PLPP4: variants seen among roughly 807,000 people sequenced by gnomAD.
The protein encoded by PLPP4 is diacylglycerol pyrophosphate like 2.
PLPP4 carries 20 observed loss-of-function variants against 32.2 expected under a neutral mutation model. That is an observed-to-expected ratio of 0.62 (90% CI 0.44 to 0.90). The LOEUF (loss-of-function observed/expected upper bound fraction) is 0.90. PLPP4 is among the 40% of genes least tolerant of loss of function. The pLI is 0.00. For synonymous variants in PLPP4, 127 were observed against 133.0 expected, an observed-to-expected ratio of 0.95 and a Z score of 0.31; for missense variants, 257 against 353.1, an observed-to-expected ratio of 0.73 and a Z score of 2.18.
chr10:120,565,637 T>C (rs1436341287), intron 5 of PLPP4, among the ~76,000 whole-genome samples: 1 of 152,186 alleles, frequency 6.6e-6, no homozygotes, highest in South Asian at 2.1e-4. Flanking sequence ...ATTAATACTG[T>C]GTCTAGGTGT....
At chr10:120,509,154 C>T (rs1845624070) in intron 2 of PLPP4, among the ~76,000 whole-genome samples, 1 of 152,256 alleles carries the variant, frequency 6.6e-6, no homozygotes, top group South Asian at 2.1e-4. Flanking sequence ...AGACCTTTGG[C>T]ACTTCACTTA....
chr10:120,473,250 G>A (rs1422623479), intron 1 of PLPP4, among the ~76,000 whole-genome samples: 1 of 151,604 alleles, frequency 6.6e-6, no homozygotes, highest in Non-Finnish European at 1.5e-5. Flanking sequence ...TTACTTTTGG[G>A]TCATTTTAGT....
chr10:120,525,115 A>G (rs1255882616), intron 5 of PLPP4, among the ~76,000 whole-genome samples: 1 of 152,194 alleles, frequency 6.6e-6, no homozygotes, highest in Non-Finnish European at 1.5e-5. Context: ...GAACACAGAG[A>G]TGCCTGTTCA....
chr10:120,581,161 T>A (rs1849492366), intron 6 of PLPP4: 1 of 985,330 alleles, frequency 1.0e-6, no homozygotes, highest in Non-Finnish European at 1.2e-6. Context: ...AGCCCTGGTG[T>A]TTCCCCGTGA....
chr10:120,542,733 G>A lies in PLPP4; in HGVS notation c.445+21638G>A, dbSNP rs138666557. Among the ~76,000 whole-genome samples, 28 of 152,280 alleles carry A rather than the reference G, an allele frequency of 1.8e-4. No individual in the cohort carries two copies. The East Asian group carries it at 4.2e-3, about 23-fold the overall frequency. On this transcript the variant is annotated intron_variant, in intron 5 of 6. Coordinates refer to ENST00000398250, the MANE Select transcript of PLPP4 (RefSeq NM_001030059.3). ...CGCAGGCGCTGCTGAGTAATTACGTGGTAAAAGCTTTTTCATGCAGTAACA... is the reference window on the plus strand; with the variant it reads ...CGCAGGCGCTGCTGAGTAATTACGTAGTAAAAGCTTTTTCATGCAGTAACA...
intron 2 of PLPP4, among the ~76,000 whole-genome samples, chr10:120,508,281 A>G (rs1423668457): frequency 6.6e-6 from 1 of 152,134 alleles, no homozygotes; most frequent in East Asian, 1.9e-4. Flanking sequence ...TTTATCTGTG[A>G]TGGGATGTAA....
intron 1 of PLPP4, among the ~76,000 whole-genome samples, chr10:120,486,299 G>T (rs532600861): frequency 6.6e-6 from 1 of 151,106 alleles, no homozygotes; most frequent in South Asian, 2.1e-4. Flanking sequence ...TCCTTTGAAA[G>T]ATCTGCTTTT....
chr10:120,518,330 A>G (rs1341280932), intron 3 of PLPP4, among the ~76,000 whole-genome samples: 1 of 152,164 alleles, frequency 6.6e-6, no homozygotes, highest in African/African-American at 2.4e-5. Context: ...GATTTGTTTG[A>G]TAACAAATGG....
At chr10:120,501,030 A>G (rs1056774680) in intron 1 of PLPP4, among the ~76,000 whole-genome samples, 1 of 152,168 alleles carries the variant, frequency 6.6e-6, no homozygotes, top group African/African-American at 2.4e-5. Context: ...TGTTATAAGA[A>G]AAATAATAGC....
chr10:120,508,914 G>A (rs747284872), intron 2 of PLPP4, among the ~76,000 whole-genome samples: 5 of 152,160 alleles, frequency 3.3e-5, no homozygotes, highest in Admixed American at 2.0e-4. Flanking sequence ...TGAAATACTA[G>A]TCAACAACCA....
At chr10:120,474,986 A>G (rs1405207733) in intron 1 of PLPP4, among the ~76,000 whole-genome samples, 5 of 152,316 alleles carry the variant, frequency 3.3e-5, no homozygotes, top group Admixed American at 1.3e-4. Flanking sequence ...TTTTAAATTG[A>G]GTATTTTATG....
At chr10:120,538,325 T>C (rs1468417402) in intron 5 of PLPP4, among the ~76,000 whole-genome samples, 1 of 151,566 alleles carries the variant, frequency 6.6e-6, no homozygotes, top group East Asian at 2.0e-4. Context: ...GAGTTAACTC[T>C]GCCAAAGGAA....
intron 2 of PLPP4, among the ~76,000 whole-genome samples, chr10:120,512,903 C>T (rs547833260): frequency 6.6e-6 from 1 of 152,170 alleles, no homozygotes; most frequent in South Asian, 2.1e-4. Context: ...TGATGTCTTA[C>T]TAGAGCAGAG....
At chr10:120,561,498 A>G (rs1411556679) in intron 5 of PLPP4, among the ~76,000 whole-genome samples, 4 of 152,160 alleles carry the variant, frequency 2.6e-5, no homozygotes, top group Admixed American at 2.6e-4. Context: ...TCCTATACCA[A>G]TGCTGCAGTG....
At chr10:120,475,501 G>A (rs1289157658) in intron 1 of PLPP4, among the ~76,000 whole-genome samples, 1 of 152,198 alleles carries the variant, frequency 6.6e-6, no homozygotes, top group East Asian at 1.9e-4. Flanking sequence ...ACTTGGGAGA[G>A]CTGCTCTTCA....
chr10:120,532,606 A>G (rs1009102511), intron 5 of PLPP4, among the ~76,000 whole-genome samples: 2 of 152,114 alleles, frequency 1.3e-5, no homozygotes, highest in African/African-American at 4.8e-5. Flanking sequence ...ACCTGAATCC[A>G]TTAGCTCTCT....
At chr10:120,552,980 T>G (rs1377827902) in intron 5 of PLPP4, among the ~76,000 whole-genome samples, 3 of 152,166 alleles carry the variant, frequency 2.0e-5, no homozygotes, top group African/African-American at 7.2e-5. Context: ...GGCATGGACA[T>G]TAGAGTTCTC....
chr10:120,460,250 T>C (rs1054103885), intron 1 of PLPP4, among the ~76,000 whole-genome samples: 1 of 152,226 alleles, frequency 6.6e-6, no homozygotes, highest in Non-Finnish European at 1.5e-5. Context: ...CTTGAGGTCC[T>C]ATTGCTCTTA....
intron 5 of PLPP4, among the ~76,000 whole-genome samples, chr10:120,526,250 AC>A (rs1254031594): frequency 4.0e-5 from 6 of 151,212 alleles, no homozygotes; most frequent in Non-Finnish European, 8.9e-5. Context: ...ATCATCTCTT[AC>A]CCCGCTTTGT....
Sources: allele counts gnomAD v4.1 joint callset (sites outside exome capture counted in the v4.1 genomes callset), GRCh38; gene constraint gnomAD v4.1.1; transcripts MANE v1.5; gene names NCBI Gene and HGNC (gene_info 2026-07-23, HGNC 2026-07-21).